MBD2: variants seen among roughly 807,000 people sequenced by gnomAD.
MBD2 encodes methyl-CpG binding domain protein 2.
A neutral mutation model predicts 39.3 loss-of-function variants in MBD2; 9 were observed. That is an observed-to-expected ratio of 0.23 (90% confidence interval 0.14 to 0.40). The LOEUF is 0.40. MBD2 is among the 10% of genes least tolerant of loss of function. The probability of loss-of-function intolerance (pLI) is 1.00; values close to 1 mark genes in which losing one functional copy is unlikely to be tolerated. For missense variants in MBD2, 458 were observed against 532.6 expected (o/e 0.86, Z 1.38); for synonymous variants, 233 against 211.1 (o/e 1.10, Z -0.90).
chr18:54,189,409 A>G (rs1205565880), intron 2 of MBD2, among the ~76,000 whole-genome samples: 1 of 151,572 alleles, frequency 6.6e-6, no homozygotes, highest in African/African-American at 2.4e-5. Flanking sequence ...TTTTCAGTAG[A>G]GACGGGGTTT....
At chr18:54,223,192 T>G (rs1420113834) in intron 1 of MBD2, among the ~76,000 whole-genome samples, 1 of 152,222 alleles carries the variant, frequency 6.6e-6, no homozygotes, top group East Asian at 1.9e-4. Flanking sequence ...TCACACAAAC[T>G]GAAGACATCA....
chr18:54,188,929 T>TCC lies in MBD2; in HGVS notation c.784_785insGG (p.His262ArgfsTer7). ...GTCTGATTTCACTTTATTACTAGGA[T>TCC]GATTTGTGACTTTGGTTACCGGTTG... On this transcript the variant is annotated frameshift_variant, in exon 3 of 7. Coordinates refer to ENST00000256429, the MANE Select transcript of MBD2 (RefSeq NM_003927.5). LOFTEE classifies it high-confidence loss of function. 1 of 1,610,612 alleles carries TCC rather than the reference T, an allele frequency of 6.2e-7. No homozygotes were observed. The highest frequency in any genetic ancestry group is 8.5e-7 in the Non-Finnish European group (1 of 1,177,718).
intron 1 of MBD2, among the ~76,000 whole-genome samples, chr18:54,223,587 G>T (rs980333539): frequency 1.3e-5 from 2 of 152,254 alleles, no homozygotes; most frequent in Admixed American, 1.3e-4. Context: ...CTTGGATGAA[G>T]TAAATGAAAC....
chr18:54,223,920 G>GC (rs2086635917), intron 1 of MBD2, 98 bp downstream of exon 1: 20 of 1,018,130 alleles, frequency 2.0e-5, no homozygotes, highest in East Asian at 9.5e-5. Flanking sequence ...CCTGCCACAT[G>GC]CCCCCCGGGC....
At chr18:54,220,832 TG>T (rs1418778094) in intron 1 of MBD2, among the ~76,000 whole-genome samples, 7 of 152,354 alleles carry the variant, frequency 4.6e-5, no homozygotes, top group African/African-American at 1.4e-4. Flanking sequence ...AATTAACTAC[TG>T]TATCACAATT....
intron 2 of MBD2, among the ~76,000 whole-genome samples, chr18:54,191,560 G>A (rs2086320310): frequency 6.6e-6 from 1 of 152,220 alleles, no homozygotes. Context: ...AGTGGCCTCA[G>A]GGTCTCCTGT....
intron 5 of MBD2, among the ~76,000 whole-genome samples, chr18:54,162,602 T>C (rs2086104968): frequency 6.6e-6 from 1 of 152,204 alleles, no homozygotes; most frequent in Admixed American, 6.5e-5. Context: ...TCCTGTGATA[T>C]AACTCAGAGA....
chr18:54,186,528 T>C lies in MBD2; in HGVS notation c.840+2346A>G, dbSNP rs112407238. On this transcript the variant is annotated intron_variant, in intron 3 of 6. Coordinates refer to ENST00000256429, the MANE Select transcript of MBD2 (RefSeq NM_003927.5). The stretch of plus-strand genomic sequence containing the variant: ...CTAACAAACTGAATCTAAACTGGAA[T>C]ACTTGGGATAACAGATCATGATTTT... Among the ~76,000 whole-genome samples the C allele has an allele frequency of 5.1e-3, 780 of 152,326 alleles. 10 individuals carry two copies. Among genetic ancestry groups the C allele is most frequent in the African/African-American group, 0.016 (666 of 41,590 alleles).
At chr18:54,166,709 A>G (rs1041966141) in intron 3 of MBD2, among the ~76,000 whole-genome samples, 2 of 152,120 alleles carry the variant, frequency 1.3e-5, no homozygotes, top group Non-Finnish European at 2.9e-5. Context: ...TTATTTTTAA[A>G]CTGGATGTCA....
Sources: gnomAD v4.1 joint callset for allele counts (sites outside exome capture counted in the v4.1 genomes callset) on GRCh38, gnomAD v4.1.1 for gene constraint, MANE v1.5 for transcripts, NCBI Gene and HGNC (gene_info 2026-07-23, HGNC 2026-07-21) for gene names.